CD163: variants seen among roughly 807,000 people sequenced by gnomAD.
CD163 encodes CD163 molecule.
CD163 carries 64 observed loss-of-function variants against 129.2 expected under a neutral mutation model. The observed-to-expected ratio is 0.50, with a 90% CI of 0.41 to 0.61. The LOEUF is 0.61. Ranked by LOEUF, CD163 falls within the 20% of genes least tolerant of loss-of-function variation. The pLI, the probability that CD163 is intolerant of heterozygous loss-of-function variation, is 0.00. For synonymous variants in CD163, 446 were observed against 478.5 expected (o/e 0.93, Z 0.89); for missense variants, 1,061 against 1,377.9 (o/e 0.77, Z 3.64).
chr12:7,479,318 C>T (rs6488337), intron 16 of CD163, among the ~76,000 whole-genome samples: 108,989 of 152,120 alleles, frequency 0.72, 42,413 homozygotes, highest in Non-Finnish European at 0.86. Context: ...GTTCAATATA[C>T]GTTTTTGAAT....
intron 6 of CD163, 61 bp downstream of exon 6, chr12:7,495,020 T>C (rs1414786239): frequency 4.6e-6 from 6 of 1,307,838 alleles, no homozygotes; most frequent in African/African-American, 4.4e-5. Flanking sequence ...TTCTTTTCAA[T>C]TTCAAAGGTA....
chr12:7,483,767 A>C, intron 11 of CD163, 92 bp from the exon 12 acceptor site: 1 of 612,284 alleles, frequency 1.6e-6, no homozygotes, highest in East Asian at 3.6e-5. Flanking sequence ...ACTTAAAAAA[A>C]AAAAAAAACT....
At chr12:7,489,330 C>T (rs1949297464) in intron 6 of CD163, among the ~76,000 whole-genome samples, 1 of 152,162 alleles carries the variant, frequency 6.6e-6, no homozygotes, top group African/African-American at 2.4e-5. Context: ...TGTTTCCTTG[C>T]TTCAAAGTCT....
chr12:7,491,421 G>T (rs1166589021), intron 6 of CD163, among the ~76,000 whole-genome samples: 1 of 151,860 alleles, frequency 6.6e-6, no homozygotes, highest in Non-Finnish European at 1.5e-5. Flanking sequence ...TCCCTTTAAT[G>T]GATTTTTTTC....
chr12:7,486,672 C>A lies in CD163; in HGVS notation c.2285G>T (p.Cys762Phe). The A allele has an allele frequency of 6.2e-7, 1 of 1,614,180 alleles. No individual in the cohort carries two copies. Among genetic ancestry groups the A allele is most frequent in the Admixed American group, 1.7e-5 (1 of 60,016 alleles). The part of the protein sequence containing the change: ...DAHVVCRQLG[C>F]GEAINATGSA... ...ACCAGTGGCATTAATGGCCTCTCCA[C>A]AGCCCAGCTGTCTGCAAACCACGTG... The change falls in exon 10 of 17, where the codon TGT becomes TTT. Residue 762 changes from cysteine to phenylalanine, a missense_variant. Physicochemically the swap from Cys to Phe is radical, Grantham distance 205. Coordinates refer to ENST00000432237, the MANE Select transcript of CD163 (RefSeq NM_203416.4).
At chr12:7,482,799 C>A (rs757745341) in intron 13 of CD163, 37 bp from the exon 14 acceptor site, 1 of 1,610,816 alleles carries the variant, frequency 6.2e-7, no homozygotes, top group South Asian at 1.1e-5. Flanking sequence ...ATGATCATGT[C>A]TTATCGAAAA....
rs1213512704 is a variant in CD163 at position 7,502,580 on chromosome 12, G to A, written c.47-16C>T. 2.3e-6 allele frequency: 3 copies of A among 1,327,970 alleles called. No homozygotes were observed. The highest frequency in any genetic ancestry group is 1.4e-5 in the African/African-American group (1 of 70,366). The allele number at this position is 1,327,970 out of a possible 1,614,324, so 82.3% of individuals were successfully genotyped here. Reference sequence around the variant, plus strand: ...CTTCTGAAGTCTGTGAAAAAGAAAAGAGGGCAAAAGTAGCATCTTCCCAAA... The same window carrying A: ...CTTCTGAAGTCTGTGAAAAAGAAAAAAGGGCAAAAGTAGCATCTTCCCAAA... On this transcript the variant is annotated splice_polypyrimidine_tract_variant and intron_variant, in intron 1 of 16. Transcript: ENST00000432237.
chr12:7,488,939 G>A (rs7294582), intron 6 of CD163, among the ~76,000 whole-genome samples: 8,566 of 152,166 alleles, frequency 0.056, 333 homozygotes, highest in Non-Finnish European at 0.091. Context: ...TTAAGTGAGC[G>A]TCTATTATAT....
chr12:7,479,375 T>C (rs1316850492), intron 16 of CD163, among the ~76,000 whole-genome samples: 1 of 152,172 alleles, frequency 6.6e-6, no homozygotes, highest in Non-Finnish European at 1.5e-5. Flanking sequence ...TTTTTCTGCC[T>C]CTAGTTTGCA....
At position 7,486,878 on chromosome 12, in the gene CD163, T is replaced by C. The variant is rs781317619; in HGVS notation, c.2143+16A>G. 1 of 1,608,364 alleles carries C rather than the reference T, an allele frequency of 6.2e-7. No homozygotes were observed. Among genetic ancestry groups the C allele is most frequent in the South Asian group, 1.1e-5 (1 of 90,508 alleles). ...CTTGTTATTAATATTTTCATAGATT[T>C]GTCACAGAGTCTTACCTATGCAGGC... On this transcript the variant is annotated intron_variant, in intron 9 of 16. Transcript: ENST00000432237.
In CD163 at chr12:7,495,234, A is replaced by C; in HGVS notation, c.1267T>G (p.Ser423Ala). The stretch of plus-strand genomic sequence containing the variant: ...TGGATTTTGGAGTACACTTGATAAG[A>C]TGTTTTGAGTGCAGATCCACATCCC... Reference protein sequence around the residue: ...QLGCGSALKTSYQVYSKIQAT... With the variant: ...QLGCGSALKTAYQVYSKIQAT... The change falls in exon 6 of 17, where the codon TCT becomes GCT. Residue 423 changes from serine to alanine, a missense_variant. Ser to Ala is a moderately conservative substitution (Grantham distance 99, BLOSUM62 1). Transcript: ENST00000432237. 6.2e-7 allele frequency: 1 copy of C among 1,614,130 alleles called. No individual in the cohort carries two copies. Among genetic ancestry groups the C allele is most frequent in the Admixed American group, 1.7e-5 (1 of 60,018 alleles).
intron 6 of CD163, among the ~76,000 whole-genome samples, chr12:7,489,372 A>C (rs757447186): frequency 6.6e-6 from 1 of 152,244 alleles, no homozygotes; most frequent in African/African-American, 2.4e-5. Flanking sequence ...ATGATTATAA[A>C]TATATTAATA....
intron 5 of CD163, among the ~76,000 whole-genome samples, chr12:7,495,703 G>A (rs191856687): frequency 3.8e-4 from 58 of 152,058 alleles, no homozygotes; most frequent in African/African-American, 1.2e-3. Flanking sequence ...GCATTTATGC[G>A]GACAACAAAC....
In CD163 at chr12:7,499,194, G is replaced by A; in HGVS notation, c.458-6C>T. On this transcript the variant is annotated splice_polypyrimidine_tract_variant and splice_region_variant and intron_variant, in intron 3 of 16. Transcript: ENST00000432237. Reference sequence around the variant, plus strand: ...CATTTCCAAATTGGATCCATCTGGAGCAGAGAAAAGACCAGAGTTCAGAAG... The same window carrying A: ...CATTTCCAAATTGGATCCATCTGGAACAGAGAAAAGACCAGAGTTCAGAAG... The A allele has an allele frequency of 6.2e-7, 1 of 1,600,826 alleles. No individual in the cohort carries two copies. The highest frequency in any genetic ancestry group is 8.5e-7 in the Non-Finnish European group (1 of 1,173,930).
At chr12:7,492,098 TAAAG>T (rs1949334123) in intron 6 of CD163, among the ~76,000 whole-genome samples, 1 of 151,658 alleles carries the variant, frequency 6.6e-6, no homozygotes, top group Non-Finnish European at 1.5e-5. Context: ...ATCAAGTAAA[TAAAG>T]AAACAAAAGT....
At chr12:7,488,557 G>C (rs758632561) in intron 6 of CD163, among the ~76,000 whole-genome samples, 2 of 151,966 alleles carry the variant, frequency 1.3e-5, no homozygotes, top group Non-Finnish European at 2.9e-5. Context: ...TCCTTTTGAC[G>C]TCTGTTACGT....
chr12:7,494,396 G>A (rs1444357902), intron 6 of CD163, among the ~76,000 whole-genome samples: 30 of 152,146 alleles, frequency 2.0e-4, no homozygotes, highest in Admixed American at 2.0e-3. Context: ...CCTAGGTTGG[G>A]AGGTATCTGG....
chr12:7,486,662 G>A lies in CD163; in HGVS notation c.2295C>T (p.Ala765=), dbSNP rs760670850. 3 of 1,614,100 alleles carry A rather than the reference G, an allele frequency of 1.9e-6. No homozygotes were observed. The Admixed American group carries it at 5.0e-5, about 27-fold the overall frequency. Residue 765 remains alanine, a synonymous_variant, in exon 10 of 17, where the codon GCC becomes GCT. Coordinates refer to ENST00000432237, the MANE Select transcript of CD163 (RefSeq NM_203416.4). ...VVCRQLGCGE[A]INATGSAHFG... ...AATGAGCAGAACCAGTGGCATTAAT[G>A]GCCTCTCCACAGCCCAGCTGTCTGC...
intron 16 of CD163, among the ~76,000 whole-genome samples, chr12:7,472,171 A>C (rs1227903148): frequency 6.6e-6 from 1 of 152,164 alleles, no homozygotes; most frequent in African/African-American, 2.4e-5. Context: ...CTCTGAAGAG[A>C]GCAGCAGATC....
Sources: allele counts gnomAD v4.1 joint callset (sites outside exome capture counted in the v4.1 genomes callset), GRCh38; gene constraint gnomAD v4.1.1; transcripts MANE v1.5; gene names NCBI Gene and HGNC (gene_info 2026-07-23, HGNC 2026-07-21).